The following TNNI3K variants were observed in gnomAD, a reference collection of about 807,000 sequenced individuals.
TNNI3K encodes the protein serine/threonine-protein kinase TNNI3K.
In TNNI3K, 140 loss-of-function variants were observed where a neutral mutation model predicts 114.5. The ratio of observed to expected loss-of-function variants is 1.22; its 90% CI spans 1.07 to 1.41. The LOEUF (loss-of-function observed/expected upper bound fraction) is 1.41, where lower values mean the gene tolerates loss of function less well. Ranked by LOEUF, TNNI3K falls within the 40% of genes most tolerant of loss-of-function variation. TNNI3K has a pLI of 0.00. For synonymous variants in TNNI3K, 347 were observed against 347.5 expected, an observed-to-expected ratio of 1.00 and a Z score of 0.02; for missense variants, 1,125 against 1,007.6, an observed-to-expected ratio of 1.12 and a Z score of -1.58.
chr1:74,542,569 GTA>G (rs1646739269), intron 24 of TNNI3K, among the ~76,000 whole-genome samples: 1 of 152,182 alleles, frequency 6.6e-6, no homozygotes, highest in Admixed American at 6.5e-5. Flanking sequence ...GTTGACAGGA[GTA>G]TCACTATCAG....
At chr1:74,540,414 A>G in intron 24 of TNNI3K, 101 bp downstream of exon 24, 3 of 1,062,352 alleles carry the variant, frequency 2.8e-6, no homozygotes, top group Non-Finnish European at 4.1e-6. Flanking sequence ...GTAATATCCA[A>G]AATGACAGAT....
intron 5 of TNNI3K, among the ~76,000 whole-genome samples, chr1:74,330,242 C>G (rs1040005469): frequency 6.6e-6 from 1 of 151,998 alleles, no homozygotes; most frequent in African/African-American, 2.4e-5. Flanking sequence ...GATATAGGAA[C>G]TCTTTGCTCT....
At chr1:74,421,731 G>A (rs949491986) in intron 17 of TNNI3K, among the ~76,000 whole-genome samples, 2 of 152,002 alleles carry the variant, frequency 1.3e-5, no homozygotes, top group African/African-American at 4.8e-5. Flanking sequence ...CAGGGGTAAA[G>A]ACATAAGCCA....
At chr1:74,521,710 T>C (rs911815236) in intron 23 of TNNI3K, among the ~76,000 whole-genome samples, 2 of 152,156 alleles carry the variant, frequency 1.3e-5, no homozygotes, top group African/African-American at 4.8e-5. Flanking sequence ...AACAAGCCAT[T>C]TCAGCAAAGC....
intron 4 of TNNI3K, among the ~76,000 whole-genome samples, chr1:74,268,697 C>T (rs1656164656): frequency 6.6e-6 from 1 of 151,904 alleles, no homozygotes; most frequent in African/African-American, 2.4e-5. Context: ...CAGAACTGCT[C>T]CAGTGCACAT....
In TNNI3K at chr1:74,332,790, T is replaced by C. The variant is rs543088440; in HGVS notation, c.543+1242T>C. Among the ~76,000 whole-genome samples, 9 of 152,150 alleles carry C rather than the reference T, an allele frequency of 5.9e-5. No homozygotes were observed. The East Asian group carries it at 1.7e-3, about 29-fold the overall frequency. On this transcript the variant is annotated intron_variant, in intron 6 of 24. Transcript: ENST00000326637. ...CTTCTTCAACCAGTGAGACAAATTATCAAGTCCAAACAATTTTCCTAAATG... is the reference window on the plus strand; with the variant it reads ...CTTCTTCAACCAGTGAGACAAATTACCAAGTCCAAACAATTTTCCTAAATG...
intron 5 of TNNI3K, among the ~76,000 whole-genome samples, chr1:74,294,744 A>G (rs1657880115): frequency 6.6e-6 from 1 of 152,010 alleles, no homozygotes; most frequent in Non-Finnish European, 1.5e-5. Context: ...CTTTTTCATT[A>G]CTAATATTAT....
At position 74,436,541 on chromosome 1, in the gene TNNI3K, G is replaced by A. The variant is rs370782787; in HGVS notation, c.1878+15G>A. 6.3e-7 allele frequency: 1 copy of A among 1,581,750 alleles called. No individual in the cohort carries two copies. On this transcript the variant is annotated intron_variant, in intron 19 of 24. Coordinates refer to ENST00000326637, the MANE Select transcript of TNNI3K (RefSeq NM_015978.3). ...AACAACCTGGGGTTTGCTGCTGCTT[G>A]TGTTTCCTATAATTATAAACCAATT... is the stretch of plus-strand genomic sequence containing the variant.
chr1:74,464,586 G>T, intron 21 of TNNI3K: 1 of 1,522,116 alleles, frequency 6.6e-7, no homozygotes, highest in Non-Finnish European at 8.8e-7. Flanking sequence ...ATAGGCCCCA[G>T]TCCAGATGTT....
chr1:74,543,979 C>G lies in TNNI3K; in HGVS notation c.2505C>G (p.Ser835Arg), dbSNP rs566780252. The change falls in exon 25 of 25, where the codon AGC becomes AGG. Residue 835 changes from serine (S) to arginine (R), a missense_variant. Transcript: ENST00000326637. ...CRNSSSFEDSS is the reference protein window; with the variant it reads ...CRNSSSFEDSR ...ATAGTAGCAGCTTTGAGGACAGCAG[C>G]TGACAGCATTCGGCGTATACCTAAG... The G allele has an allele frequency of 4.3e-6, 7 of 1,612,888 alleles. No individual in the cohort carries two copies. In the Admixed American group the frequency reaches 6.7e-5, roughly 15 times the overall value.
At chr1:74,278,522 G>T (rs1656815070) in intron 5 of TNNI3K, among the ~76,000 whole-genome samples, 1 of 152,200 alleles carries the variant, frequency 6.6e-6, no homozygotes, top group South Asian at 2.1e-4. Context: ...AGATATTCTG[G>T]TGCCTTTTTG....
chr1:74,534,567 A>T (rs1646636917), intron 23 of TNNI3K, among the ~76,000 whole-genome samples: 1 of 152,156 alleles, frequency 6.6e-6, no homozygotes, highest in African/African-American at 2.4e-5. Flanking sequence ...TGGTCCCACC[A>T]CACTAGAGAG....
At chr1:74,284,294 C>T (rs1019772622) in intron 5 of TNNI3K, among the ~76,000 whole-genome samples, 7 of 152,112 alleles carry the variant, frequency 4.6e-5, no homozygotes, top group South Asian at 2.1e-4. Flanking sequence ...AGTGGATCTC[C>T]GAAGACCCTT....
intron 1 of TNNI3K, 84 bp downstream of exon 1, chr1:74,235,575 GTGT>G: frequency 1.3e-6 from 1 of 747,160 alleles, no homozygotes; most frequent in Non-Finnish European, 2.2e-6. Flanking sequence ...ATTGGAATAT[GTGT>G]TAATTTGTAT....
At chr1:74,535,604 C>A (rs2100453700) in intron 23 of TNNI3K, among the ~76,000 whole-genome samples, 1 of 152,288 alleles carries the variant, frequency 6.6e-6, no homozygotes, top group African/African-American at 2.4e-5. Flanking sequence ...GTGCTTCAGT[C>A]CTTAGCTTAC....
chr1:74,462,224 A>C (rs147055773), intron 20 of TNNI3K, among the ~76,000 whole-genome samples: 1 of 152,216 alleles, frequency 6.6e-6, no homozygotes, highest in South Asian at 2.1e-4. Context: ...ATCACATTGC[A>C]TATAATTTCA....
chr1:74,429,282 A>T (rs534886917), intron 17 of TNNI3K, among the ~76,000 whole-genome samples: 1 of 152,262 alleles, frequency 6.6e-6, no homozygotes, highest in South Asian at 2.1e-4. Flanking sequence ...GAATCAAATA[A>T]GAAAAAGACC....
At chr1:74,480,176 A>T (rs1433552531) in intron 21 of TNNI3K, 2 of 717,138 alleles carry the variant, frequency 2.8e-6, no homozygotes, top group East Asian at 5.4e-5. Flanking sequence ...GACAGTCAGC[A>T]GGGCCACATC....
chr1:74,317,957 A>C (rs541071969), intron 5 of TNNI3K, among the ~76,000 whole-genome samples: 1 of 152,092 alleles, frequency 6.6e-6, no homozygotes, highest in Non-Finnish European at 1.5e-5. Flanking sequence ...TTGCTAATCT[A>C]TTTTATGAAC....
Sources: allele counts gnomAD v4.1 joint callset (sites outside exome capture counted in the v4.1 genomes callset), GRCh38; gene constraint gnomAD v4.1.1; transcripts MANE v1.5; gene names NCBI Gene and HGNC (gene_info 2026-07-23, HGNC 2026-07-21).